PLXDC2: variants seen among roughly 807,000 people sequenced by gnomAD.
PLXDC2 encodes the protein plexin domain-containing protein 2.
PLXDC2 carries 40 observed loss-of-function variants against 68.9 expected under a neutral mutation model. That is an observed-to-expected ratio of 0.58 (90% CI 0.45 to 0.76). The LOEUF is 0.76. PLXDC2 is among the 30% of genes least tolerant of loss of function. PLXDC2 has a pLI of 0.00. For synonymous variants in PLXDC2, 243 were observed against 234.2 expected (o/e 1.04, Z -0.34); for missense variants, 644 against 661.9 (o/e 0.97, Z 0.30).
rs765467012 is a variant in PLXDC2 at position 20,279,799 on chromosome 10, A to T, written c.1570A>T (p.Ile524Phe). The change falls in exon 14 of 14, where the codon ATT becomes TTT. Residue 524 changes from isoleucine to phenylalanine, a missense_variant. Ile to Phe is a conservative substitution (Grantham distance 21). This residue lies in a region of PLXDC2 where 330 missense variants were observed against 327.9 expected (regional missense o/e 1.01). Transcript: ENST00000377252. ...ACCAGTTGGAGAGAAAGAAGGCTTTATTGTATCAGAGCAGTGCTAAAATTT... is the reference window on the plus strand; with the variant it reads ...ACCAGTTGGAGAGAAAGAAGGCTTTTTTGTATCAGAGCAGTGCTAAAATTT... ...VEPVGEKEGF[I>F]VSEQC is the part of the protein sequence containing the mutation. 3 of 1,613,810 alleles carry T rather than the reference A, an allele frequency of 1.9e-6. No homozygotes were observed. In the African/African-American group the frequency reaches 4.0e-5, roughly 22 times the overall value.
intron 1 of PLXDC2, among the ~76,000 whole-genome samples, chr10:19,990,551 T>C (rs1288892507): frequency 6.6e-6 from 1 of 152,214 alleles, no homozygotes; most frequent in East Asian, 1.9e-4. Context: ...GTTGATAGAT[T>C]ACTTCTGAAA....
intron 1 of PLXDC2, among the ~76,000 whole-genome samples, chr10:19,853,839 C>T (rs1351361942): frequency 1.3e-5 from 2 of 152,154 alleles, no homozygotes; most frequent in Admixed American, 1.3e-4. Context: ...TTATGTGGAT[C>T]AATTTCTTTT....
intron 12 of PLXDC2, among the ~76,000 whole-genome samples, chr10:20,242,542 G>A (rs759652144): frequency 1.3e-5 from 2 of 152,134 alleles, no homozygotes; most frequent in Admixed American, 6.5e-5. Flanking sequence ...TATTGGCAAT[G>A]TGGTCATTCT....
intron 1 of PLXDC2, among the ~76,000 whole-genome samples, chr10:19,929,104 G>C (rs995550441): frequency 1.3e-4 from 20 of 151,830 alleles, no homozygotes; most frequent in Admixed American, 7.2e-4. Context: ...GCTGGGCATG[G>C]TGGTTGGCTC....
At position 20,044,205 on chromosome 10, in the gene PLXDC2, CTCTCTG is replaced by C. The variant is rs1343345494; in HGVS notation, c.325-2660_325-2655del. On this transcript the variant is annotated intron_variant, in intron 2 of 13. Coordinates refer to ENST00000377252, the MANE Select transcript of PLXDC2 (RefSeq NM_032812.9). ...TCTTTCTTTCTTTCTCTCTCTCTCTCTCTCTGTCTTTCTTTCTTTCTTTCTTTCTTT... is the reference window on the plus strand; with the variant it reads ...TCTTTCTTTCTTTCTCTCTCTCTCTCTCTTTCTTTCTTTCTTTCTTTCTTT... 3.9e-4 allele frequency among the ~76,000 whole-genome samples: 41 copies of C among 105,058 alleles called. 1 individual carries two copies. The highest frequency in any genetic ancestry group is 7.3e-4 in the South Asian group (2 of 2,750). 68.9% of individuals were successfully genotyped at this position (105,058 alleles called of 152,430 possible). A position where few individuals can be genotyped will look rare whatever the true frequency, so the allele number is the denominator to read the frequency against.
intron 9 of PLXDC2, among the ~76,000 whole-genome samples, chr10:20,204,322 G>A (rs1320215030): frequency 2.6e-5 from 4 of 151,992 alleles, no homozygotes; most frequent in Non-Finnish European, 4.4e-5. Context: ...ATATCTTACA[G>A]CTCTATACTA....
intron 4 of PLXDC2, among the ~76,000 whole-genome samples, chr10:20,070,538 G>C (rs78147594): frequency 6.6e-6 from 1 of 152,258 alleles, no homozygotes; most frequent in East Asian, 1.9e-4. Flanking sequence ...ATCCAGTATA[G>C]TGCCAGGCAT....
chr10:19,896,205 A>G (rs1038339289), intron 1 of PLXDC2, among the ~76,000 whole-genome samples: 2 of 152,164 alleles, frequency 1.3e-5, no homozygotes, highest in Non-Finnish European at 2.9e-5. Flanking sequence ...TGTATAACCT[A>G]AGCTTGCAAA....
Position 20,052,738 on chromosome 10 carries a change from AAAAG to A in PLXDC2, c.471+5735_471+5738del, listed in dbSNP as rs1554762473. Among the ~76,000 whole-genome samples, 11 of 141,612 alleles carry A rather than the reference AAAAG, an allele frequency of 7.8e-5. No individual in the cohort carries two copies. The East Asian group carries it at 8.2e-4, about 11-fold the overall frequency. The allele number at this position is 141,612 out of a possible 152,430, so 92.9% of individuals were successfully genotyped here. ...CAAATTATGCAAAAAAAAAAAAAAAAAAAGAAAGAAAGAAAAAAAGAAAAGAAAG... is the reference window on the plus strand; with the variant it reads ...CAAATTATGCAAAAAAAAAAAAAAAAAAAGAAAGAAAAAAAGAAAAGAAAG... On this transcript the variant is annotated intron_variant, in intron 3 of 13. Coordinates refer to ENST00000377252, the MANE Select transcript of PLXDC2 (RefSeq NM_032812.9).
rs1401607176 is a variant in PLXDC2, at chr10:20,211,735, C to T, written c.1122+6C>T. On this transcript the variant is annotated splice_donor_region_variant and intron_variant, in intron 10 of 13. Transcript: ENST00000377252. Reference sequence around the variant, plus strand: ...ACAGTGGATGCCCTGAAGAGGTACACATGCTTTATTGTGACAGAATCCTGG... The same window carrying T: ...ACAGTGGATGCCCTGAAGAGGTACATATGCTTTATTGTGACAGAATCCTGG... 1 of 1,612,454 alleles carries T rather than the reference C, an allele frequency of 6.2e-7. No homozygotes were observed. Among genetic ancestry groups the T allele is most frequent in the Non-Finnish European group, 8.5e-7 (1 of 1,178,842 alleles).
Position 20,082,058 on chromosome 10 carries a change from A to C in PLXDC2, c.541+13819A>C, listed in dbSNP as rs1304340973. On this transcript the variant is annotated intron_variant, in intron 4 of 13. Coordinates refer to ENST00000377252, the MANE Select transcript of PLXDC2 (RefSeq NM_032812.9). ...GAAACTCCATCTGAAAAAAAAAAAA[A>C]AAAATCAAAAAAAAAAAACAGGAGA... Among the ~76,000 whole-genome samples, 9 of 137,826 alleles carry C rather than the reference A, an allele frequency of 6.5e-5. 1 individual carries two copies. Among genetic ancestry groups the C allele is most frequent in the Middle Eastern group, 3.8e-3 (1 of 266 alleles). 90.4% of individuals were successfully genotyped at this position (137,826 alleles called of 152,430 possible).
chr10:20,155,004 A>G (rs1589656452), intron 6 of PLXDC2, among the ~76,000 whole-genome samples: 1 of 152,290 alleles, frequency 6.6e-6, no homozygotes, highest in South Asian at 2.1e-4. Context: ...GGAGGTCAAT[A>G]TAGAGGAACT....
chr10:20,216,392 G>T lies in PLXDC2; in HGVS notation c.1123-1034G>T, dbSNP rs139805577. Among the ~76,000 whole-genome samples the T allele has an allele frequency of 2.3e-4, 35 of 152,214 alleles. 1 individual carries two copies. The East Asian group carries it at 6.8e-3, about 29-fold the overall frequency. On this transcript the variant is annotated intron_variant, in intron 10 of 13. Transcript: ENST00000377252. ...GAAAGGAAATAATTAGATTAATGGGGCTCAGAGGTGCAGGAACTGGAATTT... is the reference window on the plus strand; with the variant it reads ...GAAAGGAAATAATTAGATTAATGGGTCTCAGAGGTGCAGGAACTGGAATTT...
chr10:19,849,831 T>C (rs554489799), intron 1 of PLXDC2, among the ~76,000 whole-genome samples: 10 of 152,272 alleles, frequency 6.6e-5, no homozygotes, highest in African/African-American at 2.2e-4. Flanking sequence ...GTTAAAGGAC[T>C]ATAAAAAGAC....
At chr10:19,877,029 T>C (rs1837644956) in intron 1 of PLXDC2, among the ~76,000 whole-genome samples, 1 of 152,200 alleles carries the variant, frequency 6.6e-6, no homozygotes, top group Non-Finnish European at 1.5e-5. Context: ...AAAATTCAAT[T>C]AAAGATTTGA....
chr10:20,073,186 T>C (rs1564305061), intron 4 of PLXDC2, among the ~76,000 whole-genome samples: 2 of 152,210 alleles, frequency 1.3e-5, no homozygotes, highest in South Asian at 2.1e-4. Context: ...TAAAGTGATA[T>C]GTTTTCATGG....
chr10:20,287,083 T>C lies in PLXDC2; in HGVS notation c.*7264T>C, dbSNP rs1314195815. ...AATACTCATTGATGACCAGCTCAAA[T>C]TTAGGTCATTCAGACATCCAGACAC... is the stretch of plus-strand genomic sequence containing the variant. On this transcript the variant is annotated 3_prime_UTR_variant, in exon 14 of 14. Coordinates refer to ENST00000377252, the MANE Select transcript of PLXDC2 (RefSeq NM_032812.9). 2 of 152,204 alleles carry C rather than the reference T, an allele frequency of 1.3e-5. No homozygotes were observed. The highest frequency in any genetic ancestry group is 2.9e-5 in the Non-Finnish European group (2 of 68,054). The allele number at this position is 152,204 out of a possible 1,614,324, so 9.4% of individuals were successfully genotyped here.
At chr10:20,194,032 C>G (rs1172369214) in intron 9 of PLXDC2, among the ~76,000 whole-genome samples, 1 of 151,912 alleles carries the variant, frequency 6.6e-6, no homozygotes, top group Non-Finnish European at 1.5e-5. Flanking sequence ...ATCTTAGAAA[C>G]TGACCCAGGC....
chr10:20,008,424 C>T (rs1055117582), intron 2 of PLXDC2, among the ~76,000 whole-genome samples: 1 of 151,936 alleles, frequency 6.6e-6, no homozygotes, highest in South Asian at 2.1e-4. Context: ...CATGGTGGTG[C>T]GTGTTGTAGT....
Sources: gnomAD v4.1 joint callset for allele counts (sites outside exome capture counted in the v4.1 genomes callset) on GRCh38, gnomAD v4.1.1 for gene constraint, gnomAD v4.1.1 regional missense constraint, MANE v1.5 for transcripts, NCBI Gene and HGNC (gene_info 2026-07-23, HGNC 2026-07-21) for gene names.